Variants in ILDR1 observed in about 807,000 individuals in gnomAD.
ILDR1 encodes the protein immunoglobulin like domain containing receptor 1.
A neutral mutation model predicts 62.4 loss-of-function variants in ILDR1; 56 were observed. The observed-to-expected ratio is 0.90, with a 90% CI of 0.72 to 1.12. The LOEUF (loss-of-function observed/expected upper bound fraction) is 1.12. ILDR1 is among the 50% of genes most tolerant of loss of function. The pLI is 0.00. For synonymous variants in ILDR1, 284 were observed against 277.8 expected (o/e 1.02, Z -0.22); for missense variants, 736 against 710.6 (o/e 1.04, Z -0.41).
At chr3:122,059,180 T>G in the ILDR1 span, among the ~76,000 whole-genome samples, 1 of 152,138 alleles carries the variant, frequency 6.6e-6, no homozygotes, top group Non-Finnish European at 1.5e-5. Context: ...TGGCCTGGAA[T>G]GCACATGAAG....
chr3:122,023,058 T>TA (rs1337729857), upstream of ILDR1, among the ~76,000 whole-genome samples: 1 of 150,984 alleles, frequency 6.6e-6, no homozygotes, highest in African/African-American at 2.4e-5. Flanking sequence ...TATGGGAGTT[T>TA]AAAAAAATCC....
the ILDR1 span, among the ~76,000 whole-genome samples, chr3:122,046,891 G>A: frequency 6.9e-6 from 1 of 145,380 alleles, no homozygotes; most frequent in Non-Finnish European, 1.5e-5. Context: ...AGAGTAATTT[G>A]ACCGTCTGAA....
chr3:122,046,324 C>T, the ILDR1 span, among the ~76,000 whole-genome samples: 3 of 150,970 alleles, frequency 2.0e-5, no homozygotes, highest in East Asian at 1.9e-4. Flanking sequence ...GAGGGTAACC[C>T]GACCTTTCTC....
intron 7 of ILDR1, among the ~76,000 whole-genome samples, chr3:121,992,918 C>T (rs1049505037): frequency 1.3e-4 from 20 of 152,212 alleles, no homozygotes; most frequent in African/African-American, 3.4e-4. Context: ...GCCGAAGCGA[C>T]GGTGAGAAGG....
intron 2 of ILDR1, 40 bp from the exon 3 acceptor site, chr3:122,005,433 GGGTTCCC>G (rs1326688039): frequency 6.2e-7 from 1 of 1,611,640 alleles, no homozygotes; most frequent in Admixed American, 1.7e-5. Flanking sequence ...CAGCAATAGG[GGGTTCCC>G]ACAAAAAAAA....
upstream of ILDR1, chr3:122,025,256 G>A (rs923648288): frequency 6.6e-6 from 1 of 152,176 alleles, no homozygotes; most frequent in Non-Finnish European, 1.5e-5. Context: ...TCCATCTGTA[G>A]CTGACTGGGA....
intron 5 of ILDR1, among the ~76,000 whole-genome samples, chr3:121,997,668 G>C (rs1044882364): frequency 2.0e-5 from 3 of 152,196 alleles, no homozygotes; most frequent in Non-Finnish European, 4.4e-5. Context: ...TCAGCTGTGA[G>C]GCAGAAGGAG....
At chr3:121,988,818 C>G (rs1241727556) in intron 7 of ILDR1, among the ~76,000 whole-genome samples, 1 of 152,222 alleles carries the variant, frequency 6.6e-6, no homozygotes, top group African/African-American at 2.4e-5. Flanking sequence ...CTGAATCATT[C>G]CTTCCCAGCC....
At chr3:122,052,318 T>G in the ILDR1 span, among the ~76,000 whole-genome samples, 4 of 152,184 alleles carry the variant, frequency 2.6e-5, no homozygotes, top group Non-Finnish European at 5.9e-5. Context: ...CATCTCCCCA[T>G]TTCCCCAAAA....
chr3:122,051,198 A>G, the ILDR1 span, among the ~76,000 whole-genome samples: 1 of 152,170 alleles, frequency 6.6e-6, no homozygotes, highest in Non-Finnish European at 1.5e-5. Context: ...GTTTTCAGCC[A>G]TTATTTCTTT....
chr3:122,006,446 A>C (rs1459057523), intron 2 of ILDR1, among the ~76,000 whole-genome samples: 1 of 152,116 alleles, frequency 6.6e-6, no homozygotes, highest in African/African-American at 2.4e-5. Flanking sequence ...TCTAAGGAGG[A>C]GTTGTGTAGC....
chr3:122,014,330 C>T (rs1406817856), intron 1 of ILDR1, among the ~76,000 whole-genome samples: 1 of 152,148 alleles, frequency 6.6e-6, no homozygotes, highest in African/African-American at 2.4e-5. Flanking sequence ...CCCTTCACAT[C>T]TTTTCCTATG....
the ILDR1 span, among the ~76,000 whole-genome samples, chr3:122,030,619 G>GTTTTT: frequency 7.6e-6 from 1 of 131,990 alleles, no homozygotes; most frequent in Non-Finnish European, 1.6e-5. Context: ...AGAGGCAAGG[G>GTTTTT]TTTTTCTCTC....
At chr3:122,039,185 C>A in the ILDR1 span, among the ~76,000 whole-genome samples, 4 of 151,460 alleles carry the variant, frequency 2.6e-5, no homozygotes, top group Non-Finnish European at 4.4e-5. Flanking sequence ...TAAGAAATAT[C>A]TGAAGAAATA....
At chr3:122,054,738 A>T in the ILDR1 span, among the ~76,000 whole-genome samples, 4 of 152,272 alleles carry the variant, frequency 2.6e-5, no homozygotes, top group African/African-American at 9.6e-5. Context: ...CTTCTAGTAT[A>T]GTTTCTGCTT....
intron 3 of ILDR1, among the ~76,000 whole-genome samples, chr3:122,002,610 G>A (rs1344342491): frequency 6.6e-6 from 1 of 152,036 alleles, no homozygotes; most frequent in Non-Finnish European, 1.5e-5. Context: ...TATATTTGCT[G>A]TACATTCATT....
At chr3:122,034,409 C>T in the ILDR1 span, among the ~76,000 whole-genome samples, 7 of 152,190 alleles carry the variant, frequency 4.6e-5, no homozygotes, top group South Asian at 1.5e-3. Flanking sequence ...TCTTGAATCC[C>T]TAAGAGAACT....
chr3:121,994,102 G>A (rs866102467), intron 6 of ILDR1, 80 bp downstream of exon 6: 1 of 1,516,694 alleles, frequency 6.6e-7, no homozygotes, highest in Non-Finnish European at 8.9e-7. Context: ...TGCCGCATCG[G>A]TCACAGAGGT....
Position 122,001,747 on chromosome 3 carries a change from A to G in ILDR1, c.497T>C (p.Leu166Pro). The G allele has an allele frequency of 5.6e-6, 9 of 1,612,782 alleles. No homozygotes were observed. The highest frequency in any genetic ancestry group is 7.6e-6 in the Non-Finnish European group (9 of 1,179,896). ...TAGAAAGCTCCAGTAGCACTTACGTAGGACGATGAGCTTTACTTCCTTATC... is the reference window on the plus strand; with the variant it reads ...TAGAAAGCTCCAGTAGCACTTACGTGGGACGATGAGCTTTACTTCCTTATC... ...DPDKEVKLIVLHWLTVIFIIL... is the reference protein window; with the variant it reads ...DPDKEVKLIVPHWLTVIFIIL... The change falls in exon 4 of 8, where the codon CTA (leucine) becomes CCA (proline). Residue 166 changes from leucine to proline, a missense_variant and splice_region_variant. Physicochemically the swap from Leu to Pro is moderately conservative, Grantham distance 98 (BLOSUM62 -3). Coordinates refer to ENST00000344209, the MANE Select transcript of ILDR1 (RefSeq NM_001199799.2).
Sources: gnomAD v4.1 joint callset for allele counts (sites outside exome capture counted in the v4.1 genomes callset) on GRCh38, gnomAD v4.1.1 for gene constraint, MANE v1.5 for transcripts, NCBI Gene and HGNC (gene_info 2026-07-23, HGNC 2026-07-21) for gene names.